Variants in SNTG1 observed in about 807,000 individuals in gnomAD.
SNTG1 encodes the protein gamma-1-syntrophin.
In SNTG1, 39 loss-of-function variants were observed where a neutral mutation model predicts 74.7. That is an observed-to-expected ratio of 0.52 (90% CI 0.40 to 0.68). The LOEUF is 0.68. Among genes scored for constraint, SNTG1 ranks in the 30% least tolerant of loss-of-function variants. The probability of loss-of-function intolerance (pLI) is 0.00; values close to 1 mark genes in which losing one functional copy is unlikely to be tolerated. For missense variants in SNTG1, 685 were observed against 609.5 expected, an observed-to-expected ratio of 1.12 and a Z score of -1.30; for synonymous variants, 254 against 217.1, an observed-to-expected ratio of 1.17 and a Z score of -1.49.
intron 1 of SNTG1, among the ~76,000 whole-genome samples, chr8:49,948,827 G>T (rs923545038): frequency 6.6e-6 from 1 of 152,148 alleles, no homozygotes; most frequent in South Asian, 2.1e-4. Flanking sequence ...GGAAAGAAGC[G>T]GTTCTCCCCT....
chr8:50,285,556 G>A lies in SNTG1; in HGVS notation c.-27-108656G>A, dbSNP rs185171855. On this transcript the variant is annotated intron_variant, in intron 2 of 18. Coordinates refer to ENST00000642720, the MANE Select transcript of SNTG1 (RefSeq NM_018967.5). ...CTTAGGAAATACACACTTAAAATTT[G>A]AAAGTAAGCTGCATATATCATGCAC... Among the ~76,000 whole-genome samples the A allele has an allele frequency of 2.6e-5, 4 of 152,224 alleles. 1 individual carries two copies. Among genetic ancestry groups the A allele is most frequent in the Admixed American group, 2.6e-4 (4 of 15,268 alleles).
At chr8:50,094,182 A>G (rs550082127) in intron 1 of SNTG1, among the ~76,000 whole-genome samples, 1 of 152,118 alleles carries the variant, frequency 6.6e-6, no homozygotes, top group Non-Finnish European at 1.5e-5. Context: ...CAACACTTCA[A>G]GAGTGAACAG....
At chr8:50,233,212 C>A (rs1586787054) in intron 2 of SNTG1, among the ~76,000 whole-genome samples, 1 of 151,506 alleles carries the variant, frequency 6.6e-6, no homozygotes, top group Non-Finnish European at 1.5e-5. Flanking sequence ...GGGATAGATA[C>A]ATAGATCAAT....
At chr8:50,429,204 CA>C (rs1246053325) in intron 4 of SNTG1, among the ~76,000 whole-genome samples, 1 of 151,084 alleles carries the variant, frequency 6.6e-6, no homozygotes, top group African/African-American at 2.4e-5. Context: ...TTGAAAAAAA[CA>C]AAAGAGTTTG....
chr8:50,402,285 A>G lies in SNTG1; in HGVS notation c.103A>G (p.Ile35Val), dbSNP rs937988172. 1 of 1,613,840 alleles carries G rather than the reference A, an allele frequency of 6.2e-7. No individual in the cohort carries two copies. Among genetic ancestry groups the G allele is most frequent in the Non-Finnish European group, 8.5e-7 (1 of 1,179,962 alleles). The change falls in exon 4 of 19, where the codon ATT becomes GTT. Residue 35 changes from isoleucine to valine, a missense_variant. Physicochemically the swap from Ile to Val is conservative, Grantham distance 29. Coordinates refer to ENST00000642720, the MANE Select transcript of SNTG1 (RefSeq NM_018967.5). Reference sequence around the variant, plus strand: ...AGTGCGGCTGCACCTAGCCAAAGACATTTTGATGATCCAGGAACAGGATGT... The same window carrying G: ...AGTGCGGCTGCACCTAGCCAAAGACGTTTTGATGATCCAGGAACAGGATGT... ...FKVRLHLAKDILMIQEQDVIC... is the reference protein window; with the variant it reads ...FKVRLHLAKDVLMIQEQDVIC...
chr8:50,265,172 A>T (rs1311636291), intron 2 of SNTG1, among the ~76,000 whole-genome samples: 2 of 152,146 alleles, frequency 1.3e-5, no homozygotes, highest in African/African-American at 4.8e-5. Flanking sequence ...TAAAAAGACA[A>T]CACAAAGAAA....
At chr8:49,921,269 A>T (rs1806520203) in intron 1 of SNTG1, among the ~76,000 whole-genome samples, 2 of 152,006 alleles carry the variant, frequency 1.3e-5, no homozygotes, top group Non-Finnish European at 2.9e-5. Flanking sequence ...GGAAAGGTAT[A>T]AAGGAAAATG....
intron 8 of SNTG1, among the ~76,000 whole-genome samples, chr8:50,470,572 T>A (rs375289435): frequency 8.5e-5 from 13 of 152,080 alleles, no homozygotes; most frequent in African/African-American, 3.1e-4. Flanking sequence ...TTCCTCCCGG[T>A]GGGTTTGTGG....
intron 18 of SNTG1, among the ~76,000 whole-genome samples, chr8:50,783,637 C>T (rs2095666531): frequency 6.6e-6 from 1 of 152,184 alleles, no homozygotes; most frequent in Non-Finnish European, 1.5e-5. Flanking sequence ...ACTCCCTGAC[C>T]CCTTGCACTT....
At chr8:50,376,016 G>C (rs970067945) in intron 2 of SNTG1, among the ~76,000 whole-genome samples, 3 of 144,378 alleles carry the variant, frequency 2.1e-5, no homozygotes. Flanking sequence ...GTTATCTCCA[G>C]GCTGAAAGTC....
At chr8:50,743,226 T>C (rs1396643373) in intron 17 of SNTG1, among the ~76,000 whole-genome samples, 1 of 151,888 alleles carries the variant, frequency 6.6e-6, no homozygotes, top group Non-Finnish European at 1.5e-5. Flanking sequence ...TCAATATTCC[T>C]AATGAATATT....
intron 9 of SNTG1, among the ~76,000 whole-genome samples, chr8:50,522,311 G>T (rs755400742): frequency 1.3e-5 from 2 of 151,500 alleles, no homozygotes; most frequent in Non-Finnish European, 2.9e-5. Context: ...GTGTTTCAGG[G>T]TGTGTGTGTG....
At chr8:50,452,585 A>C (rs1325074452) in intron 8 of SNTG1, among the ~76,000 whole-genome samples, 3 of 152,232 alleles carry the variant, frequency 2.0e-5, no homozygotes, top group East Asian at 3.9e-4. Flanking sequence ...AGATTAGTGC[A>C]GCATGAAAGA....
At chr8:50,722,149 T>A (rs561153269) in intron 17 of SNTG1, among the ~76,000 whole-genome samples, 61 of 152,048 alleles carry the variant, frequency 4.0e-4, no homozygotes, top group Admixed American at 1.4e-3. Context: ...TATACATATG[T>A]GTATATATAT....
intron 2 of SNTG1, among the ~76,000 whole-genome samples, chr8:50,391,274 G>A (rs1034787080): frequency 6.6e-6 from 1 of 152,176 alleles, no homozygotes; most frequent in African/African-American, 2.4e-5. Flanking sequence ...AGAGTCTTTA[G>A]CGTGAAGGAC....
At chr8:50,436,010 T>C (rs1225486380) in intron 4 of SNTG1, among the ~76,000 whole-genome samples, 2 of 152,190 alleles carry the variant, frequency 1.3e-5, no homozygotes, top group African/African-American at 2.4e-5. Flanking sequence ...CACTTCAGTA[T>C]GCATTTAGCT....
At chr8:50,364,505 G>A (rs1450131) in intron 2 of SNTG1, among the ~76,000 whole-genome samples, 23,733 of 152,100 alleles carry the variant, frequency 0.16, 2,301 homozygotes, top group Middle Eastern at 0.25. Context: ...ATAGAGAAAT[G>A]GGTGAGAACA....
chr8:50,172,418 G>A (rs2082839034), intron 1 of SNTG1, 143 bp from the exon 2 acceptor site: 1 of 152,186 alleles, frequency 6.6e-6, no homozygotes. Context: ...TGACAAGAAA[G>A]TGTGGAAAAT....
At chr8:50,320,089 T>TA (rs1285552715) in intron 2 of SNTG1, among the ~76,000 whole-genome samples, 1 of 152,164 alleles carries the variant, frequency 6.6e-6, no homozygotes, top group East Asian at 1.9e-4. Flanking sequence ...GGATTGGTGT[T>TA]AGTCGTTCTT....
Sources: allele counts gnomAD v4.1 joint callset (sites outside exome capture counted in the v4.1 genomes callset), GRCh38; gene constraint gnomAD v4.1.1; transcripts MANE v1.5; gene names NCBI Gene and HGNC (gene_info 2026-07-23, HGNC 2026-07-21).